Variants in TXLNB observed in about 807,000 individuals in gnomAD.
TXLNB encodes beta-taxilin.
In TXLNB, 37 loss-of-function variants were observed where a neutral mutation model predicts 57.4. The observed-to-expected ratio is 0.64, with a 90% CI of 0.50 to 0.85. The LOEUF (loss-of-function observed/expected upper bound fraction) is 0.85, where lower values mean the gene tolerates loss of function less well. Ranked by LOEUF, TXLNB falls within the 40% of genes least tolerant of loss-of-function variation. The pLI, the probability that TXLNB is intolerant of heterozygous loss-of-function variation, is 0.00. For missense variants in TXLNB, 848 were observed against 825.6 expected (o/e 1.03, Z -0.33); for synonymous variants, 302 against 309.6 (o/e 0.98, Z 0.26).
At chr6:139,173,295 G>C in the TXLNB span, among the ~76,000 whole-genome samples, 3 of 152,142 alleles carry the variant, frequency 2.0e-5, no homozygotes, top group East Asian at 5.8e-4. Context: ...CACTTATAAA[G>C]TGCTTTCCAC....
chr6:139,164,334 C>T, the TXLNB span, among the ~76,000 whole-genome samples: 1 of 152,018 alleles, frequency 6.6e-6, no homozygotes, highest in African/African-American at 2.4e-5. Context: ...GTAGTATTTC[C>T]CTCCAAAGGG....
At chr6:139,239,496 A>AT (rs1470066038), downstream of TXLNB, 2 of 152,008 alleles carry the variant, frequency 1.3e-5, no homozygotes, top group Non-Finnish European at 2.9e-5. This position sits in a 1 kb window ranked among gnomAD's most constrained non-coding sequence, Gnocchi z 4.7. Flanking sequence ...CCTCAGTGAC[A>AT]TTTTTTCTTT....
At chr6:139,268,935 T>C (rs1045471734) in intron 4 of TXLNB, 4 of 152,202 alleles carry the variant, frequency 2.6e-5, no homozygotes, top group Non-Finnish European at 5.9e-5. Context: ...CATTGCTCTC[T>C]GTCACTCAGG....
chr6:139,164,379 A>G, the TXLNB span, among the ~76,000 whole-genome samples: 1 of 150,978 alleles, frequency 6.6e-6, no homozygotes, highest in Non-Finnish European at 1.5e-5. Context: ...TGGGGGTATC[A>G]TGATGGGGAA....
At position 139,242,510 on chromosome 6, in the gene TXLNB, G is replaced by T; in HGVS notation, c.*16C>A. On this transcript the variant is annotated 3_prime_UTR_variant, in exon 10 of 10. Coordinates refer to ENST00000358430, the MANE Select transcript of TXLNB (RefSeq NM_153235.4). ...TGCAAAGAGGCAGGAAGAAGCCTCTGAAGGCACGGTGAGGCTTAGTCGACG... is the reference window on the plus strand; with the variant it reads ...TGCAAAGAGGCAGGAAGAAGCCTCTTAAGGCACGGTGAGGCTTAGTCGACG... 6.8e-7 allele frequency: 1 copy of T among 1,480,588 alleles called. No individual in the cohort carries two copies. The highest frequency in any genetic ancestry group is 1.5e-5 in the South Asian group (1 of 68,574). 91.7% of individuals were successfully genotyped at this position (1,480,588 alleles called of 1,614,324 possible).
chr6:139,226,869 A>G, the TXLNB span, among the ~76,000 whole-genome samples: 1 of 152,006 alleles, frequency 6.6e-6, no homozygotes, highest in Admixed American at 6.6e-5. Flanking sequence ...TCTACAAAAG[A>G]TACAAAAATT....
At chr6:139,177,349 A>G in the TXLNB span, 1 of 311,220 alleles carries the variant, frequency 3.2e-6, no homozygotes, top group Non-Finnish European at 5.9e-6. The surrounding 1 kb of genome is among the most constrained non-coding windows in gnomAD (Gnocchi z 4.9). Flanking sequence ...CACTCTTACC[A>G]AGAATCTTTG....
chr6:139,224,982 AT>A, the TXLNB span, among the ~76,000 whole-genome samples: 1 of 152,176 alleles, frequency 6.6e-6, no homozygotes, highest in Non-Finnish European at 1.5e-5. Context: ...TAAAAAGAAT[AT>A]TACTTCTTTA....
chr6:139,201,749 G>T, the TXLNB span: 1 of 152,202 alleles, frequency 6.6e-6, no homozygotes, highest in Non-Finnish European at 1.5e-5. Context: ...GCTCGTCAGT[G>T]CTTGGTTGGT....
rs185794449 is a variant in TXLNB, at chr6:139,282,574, C to G, written c.425-5653G>C. On this transcript the variant is annotated intron_variant, in intron 2 of 9. Coordinates refer to ENST00000358430, the MANE Select transcript of TXLNB (RefSeq NM_153235.4). Reference sequence around the variant, plus strand: ...CCTGGGCAACAGAGTGAGACTTTGTCTCAAAAAATAAAGGAAGACTATGTA... The same window carrying G: ...CCTGGGCAACAGAGTGAGACTTTGTGTCAAAAAATAAAGGAAGACTATGTA... Among the ~76,000 whole-genome samples the G allele has an allele frequency of 1.3e-3, 190 of 145,124 alleles. 18 individuals carry two copies. The highest frequency in any genetic ancestry group is 2.1e-3 in the Non-Finnish European group (138 of 65,252).
the TXLNB span, among the ~76,000 whole-genome samples, chr6:139,173,629 G>A: frequency 2.6e-5 from 4 of 152,286 alleles, no homozygotes; most frequent in East Asian, 1.9e-4. Context: ...GCTGTTATAC[G>A]TTGCCTGGGC....
the TXLNB span, chr6:139,180,651 T>C: frequency 6.6e-6 from 1 of 152,658 alleles, no homozygotes; most frequent in Non-Finnish European, 1.5e-5. Flanking sequence ...TGTCAAGATG[T>C]CTTGGATTGC....
chr6:139,223,741 A>G, the TXLNB span, among the ~76,000 whole-genome samples: 7 of 152,284 alleles, frequency 4.6e-5, no homozygotes, highest in South Asian at 2.1e-4. Flanking sequence ...CAAAACCACA[A>G]TGAGATACCA....
rs189393811 is a variant in TXLNB at position 139,260,206 on chromosome 6, C to T, written c.1002+112G>A. ...CTGCATTTCAGCCTGAATGACAGAA[C>T]GAGACTCTGTCTCAAATAAATAAAT... On this transcript the variant is annotated intron_variant, in intron 6 of 9. Coordinates refer to ENST00000358430, the MANE Select transcript of TXLNB (RefSeq NM_153235.4). The T allele has an allele frequency of 4.6e-4, 582 of 1,260,362 alleles. No homozygotes were observed. The African/African-American group carries it at 5.0e-3, about 11-fold the overall frequency. The allele number at this position is 1,260,362 out of a possible 1,614,324, so 78.1% of individuals were successfully genotyped here. A position where few individuals can be genotyped will look rare whatever the true frequency, so the allele number is the denominator to read the frequency against.
At chr6:139,296,764 A>T (rs1236350170), upstream of TXLNB, among the ~76,000 whole-genome samples, 2 of 152,118 alleles carry the variant, frequency 1.3e-5, no homozygotes, top group African/African-American at 4.8e-5. Flanking sequence ...GGAAACAAAC[A>T]AGCCAGGTGT....
the TXLNB span, among the ~76,000 whole-genome samples, chr6:139,163,976 AG>A: frequency 4.0e-3 from 610 of 152,158 alleles, 2 homozygotes; most frequent in Middle Eastern, 0.014. Flanking sequence ...GGTCCTAAAT[AG>A]GGCAGCCCTA....
At chr6:139,264,543 T>A (rs557580206) in intron 4 of TXLNB, among the ~76,000 whole-genome samples, 81 of 150,674 alleles carry the variant, frequency 5.4e-4, no homozygotes, top group African/African-American at 1.5e-3. Context: ...ATATATATAT[T>A]TTTTGTTTTG....
chr6:139,245,632 C>G (rs1311991445), intron 8 of TXLNB: 5 of 152,140 alleles, frequency 3.3e-5, no homozygotes, highest in African/African-American at 1.2e-4. Context: ...GCTCTACAGA[C>G]AAGCTAGGTT....
chr6:139,301,176 A>G, the TXLNB span, among the ~76,000 whole-genome samples: 1 of 152,156 alleles, frequency 6.6e-6, no homozygotes, highest in Middle Eastern at 3.2e-3. Context: ...TTGATACCAG[A>G]AACTATGGCT....
Sources: gnomAD v4.1 joint callset for allele counts (sites outside exome capture counted in the v4.1 genomes callset) on GRCh38, gnomAD v4.1.1 for gene constraint, Gnocchi (gnomAD v3.1) non-coding constraint, MANE v1.5 for transcripts, NCBI Gene and HGNC (gene_info 2026-07-23, HGNC 2026-07-21) for gene names.